The following PLEKHA6 variants were observed in gnomAD, a reference collection of about 807,000 sequenced individuals.
PLEKHA6 encodes pleckstrin homology domain containing A6.
In PLEKHA6, 60 loss-of-function variants were observed where a neutral mutation model predicts 116.7. The ratio of observed to expected loss-of-function variants is 0.51; its 90% CI spans 0.42 to 0.64. The LOEUF (loss-of-function observed/expected upper bound fraction) is 0.64, where lower values mean the gene tolerates loss of function less well. PLEKHA6 is among the 30% of genes least tolerant of loss of function. The probability of loss-of-function intolerance (pLI) is 0.00; values close to 1 mark genes in which losing one functional copy is unlikely to be tolerated. For synonymous variants in PLEKHA6, 489 were observed against 556.1 expected, an observed-to-expected ratio of 0.88 and a Z score of 1.70; for missense variants, 1,338 against 1,422.7, an observed-to-expected ratio of 0.94 and a Z score of 0.96.
intron 1 of PLEKHA6, among the ~76,000 whole-genome samples, chr1:204,287,258 T>G: frequency 6.7e-6 from 1 of 149,654 alleles, no homozygotes; most frequent in Non-Finnish European, 1.5e-5. Context: ...TTAAATCACG[T>G]GGGCATTCAT....
At chr1:204,300,994 C>G (rs566826627) in intron 1 of PLEKHA6, among the ~76,000 whole-genome samples, 16 of 152,214 alleles carry the variant, frequency 1.1e-4, no homozygotes, top group African/African-American at 3.4e-4. Flanking sequence ...CCTGAACTGG[C>G]AAGAGACTCT....
intron 1 of PLEKHA6, among the ~76,000 whole-genome samples, chr1:204,356,193 T>C (rs936351839): frequency 4.6e-5 from 7 of 152,076 alleles, no homozygotes; most frequent in Admixed American, 2.6e-4. Context: ...AAGTAGAAAA[T>C]TGGAAATACC....
chr1:204,279,943 T>C (rs1047056282), intron 1 of PLEKHA6, among the ~76,000 whole-genome samples: 1 of 152,174 alleles, frequency 6.6e-6, no homozygotes, highest in African/African-American at 2.4e-5. Flanking sequence ...GAAGAGATAA[T>C]GGCTATGATC....
intron 1 of PLEKHA6, among the ~76,000 whole-genome samples, chr1:204,302,737 G>A (rs1181379181): frequency 3.9e-5 from 6 of 152,146 alleles, no homozygotes; most frequent in Admixed American, 2.0e-4. Flanking sequence ...TTATCTGAGC[G>A]TGGTGGCGCA....
In PLEKHA6 at chr1:204,295,574, T is replaced by A. The variant is rs2103053386; in HGVS notation, c.-94-20765A>T. On this transcript the variant is annotated intron_variant, in intron 1 of 22. Transcript: ENST00000272203. ...CATAAGGTGTGTAGCAAGTCCTTGTTCTCTTGGGGCCCACTAGACCTGAGA... is the reference window on the plus strand; with the variant it reads ...CATAAGGTGTGTAGCAAGTCCTTGTACTCTTGGGGCCCACTAGACCTGAGA... 2.0e-5 allele frequency among the ~76,000 whole-genome samples: 3 copies of A among 152,030 alleles called. 1 individual carries two copies. In the Middle Eastern group the frequency reaches 0.01, roughly 517 times the overall value.
At chr1:204,373,795 C>A (rs1172971611) in intron 1 of PLEKHA6, among the ~76,000 whole-genome samples, 1 of 152,134 alleles carries the variant, frequency 6.6e-6, no homozygotes, top group African/African-American at 2.4e-5. Context: ...TCCCAGCTAA[C>A]CTACCCCTCT....
Position 204,223,489 on chromosome 1 carries a change from C to G in PLEKHA6, c.3128G>C (p.Ser1043Thr), listed in dbSNP as rs1243768003. The G allele has an allele frequency of 1.8e-5, 28 of 1,547,480 alleles. No individual in the cohort carries two copies. The highest frequency in any genetic ancestry group is 2.4e-5 in the Non-Finnish European group (27 of 1,143,454). ...SSESPRGADSSYTMRV is the reference protein window; with the variant it reads ...SSESPRGADSTYTMRV ...CAGAGCTCAGACCCGCATGGTATAG[C>G]TGCTGTCGGCGCCCCGTGGGGATTC... The change falls in exon 22 of 23, where the codon AGC (serine) becomes ACC (threonine). Residue 1043 changes from serine (S) to threonine (T), a missense_variant. Physicochemically the swap from Ser to Thr is moderately conservative, Grantham distance 58. Transcript: ENST00000272203. This position sits in a 1 kb window ranked among gnomAD's most constrained non-coding sequence, Gnocchi z 4.8.
chr1:204,240,657 A>G (rs1346902377), intron 17 of PLEKHA6, among the ~76,000 whole-genome samples: 1 of 152,168 alleles, frequency 6.6e-6, no homozygotes, highest in African/African-American at 2.4e-5. Context: ...TGTTAGGTGT[A>G]ATTATGACCT....
chr1:204,279,325 A>AACTCCTAGG (rs1476076562), intron 1 of PLEKHA6, among the ~76,000 whole-genome samples: 1 of 152,188 alleles, frequency 6.6e-6, no homozygotes, highest in Non-Finnish European at 1.5e-5. Flanking sequence ...AAGAGCTCTG[A>AACTCCTAGG]ACTCCTAGGA....
intron 21 of PLEKHA6, among the ~76,000 whole-genome samples, chr1:204,226,523 A>G (rs1441566149): frequency 1.3e-5 from 2 of 152,174 alleles, no homozygotes; most frequent in Non-Finnish European, 2.9e-5. Flanking sequence ...TGGAAGGTTC[A>G]AGTTCATTTT....
intron 1 of PLEKHA6, chr1:204,282,823 T>C: frequency 5.1e-6 from 5 of 985,082 alleles, no homozygotes; most frequent in Non-Finnish European, 6.0e-6. Context: ...GAGGGGGAAT[T>C]CAAAGGAGAA....
Position 204,281,297 on chromosome 1 carries a change from G to A in PLEKHA6, c.-94-6488C>T, listed in dbSNP as rs549660230. On this transcript the variant is annotated intron_variant, in intron 1 of 22. Coordinates refer to ENST00000272203, the MANE Select transcript of PLEKHA6 (RefSeq NM_014935.5). ...CCCCAGCACTTTGGGAGGCAGAGGC[G>A]GGCAGATCACGAGGTCAGGAGATCA... 2.6e-5 allele frequency among the ~76,000 whole-genome samples: 4 copies of A among 152,180 alleles called. No homozygotes were observed. The East Asian group carries it at 5.8e-4, about 22-fold the overall frequency.
At chr1:204,242,718 C>T (rs989000872) in intron 15 of PLEKHA6, among the ~76,000 whole-genome samples, 1 of 152,176 alleles carries the variant, frequency 6.6e-6, no homozygotes, top group African/African-American at 2.4e-5. Flanking sequence ...GGCAGAGAGA[C>T]AGCATGGGTG....
intron 1 of PLEKHA6, among the ~76,000 whole-genome samples, chr1:204,355,996 C>CA (rs1169426894): frequency 4.1e-4 from 28 of 67,790 alleles, no homozygotes; most frequent in African/African-American, 1.0e-3. Flanking sequence ...CACACACACA[C>CA]ACACAAAAAA....
upstream of PLEKHA6, among the ~76,000 whole-genome samples, chr1:204,361,269 CTT>C (rs1336322731): frequency 6.6e-6 from 1 of 152,190 alleles, no homozygotes; most frequent in African/African-American, 2.4e-5. Context: ...GTGGGTCTCT[CTT>C]AGTGTGATCT....
intron 8 of PLEKHA6, among the ~76,000 whole-genome samples, chr1:204,258,545 G>T (rs754252323): frequency 6.6e-6 from 1 of 152,172 alleles, no homozygotes; most frequent in African/African-American, 2.4e-5. Flanking sequence ...CCAGCAATGC[G>T]CAGCCGCTCA....
intron 1 of PLEKHA6, among the ~76,000 whole-genome samples, chr1:204,303,045 TC>T (rs1670971032): frequency 1.3e-5 from 2 of 152,040 alleles, no homozygotes. Flanking sequence ...TTTCTTTCTT[TC>T]CCCCCTCTGC....
At chr1:204,256,713 T>C in intron 9 of PLEKHA6, 1 of 462,156 alleles carries the variant, frequency 2.2e-6, no homozygotes, top group Non-Finnish European at 3.8e-6. Context: ...GCACAGAGCG[T>C]CCCTGGAGTC....
chr1:204,305,121 C>T (rs75273034), intron 1 of PLEKHA6, among the ~76,000 whole-genome samples: 4,593 of 152,238 alleles, frequency 0.03, 210 homozygotes, highest in African/African-American at 0.1. Context: ...AAATTGGCAA[C>T]GTAACAGAGA....
Sources: gnomAD v4.1 joint callset for allele counts (sites outside exome capture counted in the v4.1 genomes callset) on GRCh38, gnomAD v4.1.1 for gene constraint, Gnocchi (gnomAD v3.1) non-coding constraint, MANE v1.5 for transcripts, NCBI Gene and HGNC (gene_info 2026-07-23, HGNC 2026-07-21) for gene names.